The following FNBP1 variants were observed in gnomAD, a reference collection of about 807,000 sequenced individuals.
FNBP1 encodes formin-binding protein 1.
In FNBP1, 26 loss-of-function variants were observed where a neutral mutation model predicts 90.6. That is an observed-to-expected ratio of 0.29 (90% CI 0.21 to 0.40). The LOEUF (loss-of-function observed/expected upper bound fraction) is 0.40, where lower values mean the gene tolerates loss of function less well. Among genes scored for constraint, FNBP1 ranks in the 10% least tolerant of loss-of-function variants. The pLI is 1.00. For missense variants in FNBP1, 635 were observed against 768.0 expected (o/e 0.83, Z 2.05); for synonymous variants, 260 against 265.2 (o/e 0.98, Z 0.19).
chr9:129,947,612 C>T (rs1318552474), intron 6 of FNBP1, among the ~76,000 whole-genome samples: 1 of 151,726 alleles, frequency 6.6e-6, no homozygotes, highest in African/African-American at 2.4e-5. Context: ...ACTTAGGAAT[C>T]CCACCAGTGA....
chr9:130,032,990 T>C (rs2058937571), intron 1 of FNBP1, among the ~76,000 whole-genome samples: 1 of 152,324 alleles, frequency 6.6e-6, no homozygotes, highest in African/African-American at 2.4e-5. Context: ...ATTGTTAACA[T>C]GTACACCAAA....
chr9:129,892,827 A>T, intron 16 of FNBP1, among the ~76,000 whole-genome samples: 1 of 152,220 alleles, frequency 6.6e-6, no homozygotes. Flanking sequence ...CTGTTATAGT[A>T]CTGAGGCATA....
At chr9:129,993,280 A>G (rs2053490843) in intron 2 of FNBP1, among the ~76,000 whole-genome samples, 1 of 151,734 alleles carries the variant, frequency 6.6e-6, no homozygotes, top group Non-Finnish European at 1.5e-5. Flanking sequence ...AATCAAAATC[A>G]TCTAGCTCTT....
intron 1 of FNBP1, among the ~76,000 whole-genome samples, chr9:130,021,982 C>G (rs534698857): frequency 6.6e-6 from 1 of 152,112 alleles, no homozygotes; most frequent in Non-Finnish European, 1.5e-5. Flanking sequence ...CCACCTAAGC[C>G]TCCCAAGTAG....
At chr9:130,053,660 G>T in the FNBP1 span, 1 of 511,344 alleles carries the variant, frequency 2.0e-6, no homozygotes, top group Non-Finnish European at 3.5e-6. Context: ...GTGCGGCCCG[G>T]GCTGGTCTGG....
At chr9:130,035,699 C>T (rs927036536) in intron 1 of FNBP1, among the ~76,000 whole-genome samples, 1 of 152,208 alleles carries the variant, frequency 6.6e-6, no homozygotes, top group Non-Finnish European at 1.5e-5. Flanking sequence ...GTAATCCCAG[C>T]ACTTTGGGAG....
chr9:130,053,108 C>T, the FNBP1 span, among the ~76,000 whole-genome samples: 42 of 152,050 alleles, frequency 2.8e-4, no homozygotes, highest in African/African-American at 8.7e-4. Context: ...AAGAGCTAGA[C>T]TCCGTCTCAA....
intron 9 of FNBP1, among the ~76,000 whole-genome samples, chr9:129,924,340 C>T (rs2041564968): frequency 1.3e-5 from 2 of 152,150 alleles, no homozygotes; most frequent in Admixed American, 6.6e-5. Context: ...AATATTTCTA[C>T]ATTACCTAAA....
chr9:129,914,460 G>C (rs1442098821), intron 11 of FNBP1, among the ~76,000 whole-genome samples: 1 of 151,714 alleles, frequency 6.6e-6, no homozygotes, highest in Admixed American at 6.6e-5. Flanking sequence ...TTTGCTCCTA[G>C]CACCCAGACA....
chr9:129,944,635 C>T (rs2044933681), intron 6 of FNBP1, among the ~76,000 whole-genome samples: 1 of 151,768 alleles, frequency 6.6e-6, no homozygotes, highest in South Asian at 2.1e-4. Context: ...ATACAGATGG[C>T]AATAACAGTG....
intron 11 of FNBP1, 82 bp from the exon 12 acceptor site, chr9:129,909,081 G>GC (rs768428088): frequency 4.8e-4 from 353 of 734,396 alleles, no homozygotes; most frequent in Admixed American, 1.9e-3. Flanking sequence ...CTGCAGCCAT[G>GC]GGGGGTGCAG....
chr9:130,019,303 A>C (rs1050961707), intron 1 of FNBP1, among the ~76,000 whole-genome samples: 2 of 151,668 alleles, frequency 1.3e-5, no homozygotes, highest in African/African-American at 4.8e-5. Flanking sequence ...CTGTCTCAAA[A>C]AAAAAAAAAA....
At chr9:130,000,674 G>A (rs890267436) in intron 1 of FNBP1, among the ~76,000 whole-genome samples, 1 of 151,966 alleles carries the variant, frequency 6.6e-6, no homozygotes, top group African/African-American at 2.4e-5. Flanking sequence ...AACTCACAGT[G>A]GAAAAACAAT....
upstream of FNBP1, among the ~76,000 whole-genome samples, chr9:130,046,632 G>A (rs2060061893): frequency 6.6e-6 from 1 of 150,654 alleles, no homozygotes; most frequent in South Asian, 2.1e-4. Flanking sequence ...GCCCAGTGTG[G>A]TCATGGGTGC....
the FNBP1 span, among the ~76,000 whole-genome samples, chr9:130,051,172 A>G: frequency 6.6e-6 from 1 of 152,046 alleles, no homozygotes; most frequent in Admixed American, 6.6e-5. Flanking sequence ...AAGTGCTGAG[A>G]TTACAGGCCT....
At chr9:129,910,089 CA>C (rs925190334) in intron 11 of FNBP1, 1 of 455,736 alleles carries the variant, frequency 2.2e-6, no homozygotes, top group Non-Finnish European at 4.4e-6. Flanking sequence ...GAGAAAGTAT[CA>C]ACAGTTTCAG....
intron 4 of FNBP1, among the ~76,000 whole-genome samples, chr9:129,972,325 G>C (rs767116043): frequency 5.9e-5 from 9 of 151,932 alleles, no homozygotes; most frequent in Non-Finnish European, 5.9e-5. Flanking sequence ...GTAAAGATGG[G>C]GTTTCCCCAT....
intron 2 of FNBP1, among the ~76,000 whole-genome samples, chr9:129,980,784 G>C (rs1359444710): frequency 2.0e-5 from 3 of 151,972 alleles, no homozygotes; most frequent in Admixed American, 6.6e-5. Context: ...AGGCACGGTG[G>C]CTCATGCCTG....
At chr9:130,009,194 CG>C (rs2131624234) in intron 1 of FNBP1, among the ~76,000 whole-genome samples, 1 of 152,276 alleles carries the variant, frequency 6.6e-6, no homozygotes, top group African/African-American at 2.4e-5. Flanking sequence ...TCCACTAAAA[CG>C]CTTGCCAATT....
Sources: gnomAD v4.1 joint callset for allele counts (sites outside exome capture counted in the v4.1 genomes callset) on GRCh38, gnomAD v4.1.1 for gene constraint, MANE v1.5 for transcripts, NCBI Gene and HGNC (gene_info 2026-07-23, HGNC 2026-07-21) for gene names.